The following SMYD1 variants were observed in gnomAD, a reference collection of about 807,000 sequenced individuals.
SMYD1 encodes the protein SET and MYND domain containing 1.
Under a neutral mutation model 54.0 loss-of-function variants are expected in SMYD1, and 49 were observed. The ratio of observed to expected loss-of-function variants is 0.91; its 90% confidence interval spans 0.72 to 1.15. SMYD1 has a LOEUF of 1.15. SMYD1 is among the 50% of genes most tolerant of loss of function. The pLI is 0.00. For synonymous variants in SMYD1, 269 were observed against 234.2 expected, an observed-to-expected ratio of 1.15 and a Z score of -1.36; for missense variants, 653 against 639.6, an observed-to-expected ratio of 1.02 and a Z score of -0.23.
intron 5 of SMYD1, among the ~76,000 whole-genome samples, 177 bp from the exon 6 acceptor site, chr2:88,096,418 A>G (rs1220306392): frequency 2.0e-5 from 3 of 152,192 alleles, no homozygotes; most frequent in Admixed American, 6.5e-5. Context: ...ATAGAGTAGA[A>G]TTACCCAGAA....
At chr2:88,068,549 G>A (rs1438965646) in intron 1 of SMYD1, among the ~76,000 whole-genome samples, 2 of 150,756 alleles carry the variant, frequency 1.3e-5, no homozygotes, top group Admixed American at 1.3e-4. Context: ...CTTCTAGAAT[G>A]TTCCTGTGCT....
chr2:88,081,399 A>T (rs1271772081), intron 1 of SMYD1, among the ~76,000 whole-genome samples: 3 of 151,616 alleles, frequency 2.0e-5, no homozygotes, highest in Admixed American at 6.6e-5. Context: ...AAAGCTTGGG[A>T]GGTTCTACTG....
chr2:88,093,868 C>T (rs981285828), intron 5 of SMYD1, among the ~76,000 whole-genome samples: 6 of 152,144 alleles, frequency 3.9e-5, no homozygotes, highest in South Asian at 4.1e-4. Context: ...TCTTGTCTCC[C>T]TAAACCCTGC....
At chr2:88,074,485 T>A (rs933753863) in intron 1 of SMYD1, among the ~76,000 whole-genome samples, 1 of 152,204 alleles carries the variant, frequency 6.6e-6, no homozygotes, top group Non-Finnish European at 1.5e-5. Context: ...TAATCACTCA[T>A]GCAAAGTTCC....
rs1178484628 is a variant in SMYD1 at position 88,111,762 on chromosome 2, G to A, written c.*1250G>A. ...AATCAACCAGTCCCAAGATTAGCCT[G>A]TTATCCTGTTATCTACTGAGACCCC... On this transcript the variant is annotated 3_prime_UTR_variant, in exon 10 of 10. Transcript: ENST00000419482. The A allele has an allele frequency of 7.0e-6, 2 of 287,566 alleles. No homozygotes were observed. The highest frequency in any genetic ancestry group is 1.3e-5 in the Non-Finnish European group (2 of 150,804). 17.8% of individuals were successfully genotyped at this position (287,566 alleles called of 1,614,324 possible).
intron 3 of SMYD1, 77 bp from the exon 4 acceptor site, chr2:88,090,935 T>G (rs1048851932): frequency 6.6e-7 from 1 of 1,516,806 alleles, no homozygotes; most frequent in Non-Finnish European, 8.9e-7. Flanking sequence ...TTCTGTTTTT[T>G]AAAACTCCTT....
intron 6 of SMYD1, among the ~76,000 whole-genome samples, chr2:88,098,313 A>G (rs1674648198): frequency 6.6e-6 from 1 of 152,208 alleles, no homozygotes; most frequent in Non-Finnish European, 1.5e-5. Flanking sequence ...TGGCAGTTTC[A>G]ATAGTTCAGT....
rs1240052729 is a variant in SMYD1 at position 88,077,809 on chromosome 2, C to T, written c.138-6507C>T. 5.9e-5 allele frequency among the ~76,000 whole-genome samples: 9 copies of T among 151,292 alleles called. No individual in the cohort carries two copies. The South Asian group carries it at 6.3e-4, about 11-fold the overall frequency. On this transcript the variant is annotated intron_variant, in intron 1 of 9. Transcript: ENST00000419482. ...CGTGATCTCGGCTCACTGCAAGCTC[C>T]GCCTCCCAGGTTCAAGCGATTCTCC... is the stretch of plus-strand genomic sequence containing the variant.
chr2:88,073,777 A>C (rs916942825), intron 1 of SMYD1, among the ~76,000 whole-genome samples: 2 of 152,232 alleles, frequency 1.3e-5, no homozygotes, highest in Non-Finnish European at 2.9e-5. Flanking sequence ...ATGTTTGTCA[A>C]CTTAATCTGT....
intron 7 of SMYD1, among the ~76,000 whole-genome samples, chr2:88,103,947 C>T (rs1310361521): frequency 6.6e-6 from 1 of 151,410 alleles, no homozygotes. Flanking sequence ...AGATTAATTT[C>T]TATTCATTTC....
chr2:88,083,937 T>C lies in SMYD1; in HGVS notation c.138-379T>C, dbSNP rs139314015. Among the ~76,000 whole-genome samples the C allele has an allele frequency of 6.0e-3, 917 of 152,142 alleles. 3 individuals carry two copies. Among genetic ancestry groups the C allele is most frequent in the Non-Finnish European group, 9.9e-3 (670 of 68,006 alleles). On this transcript the variant is annotated intron_variant, in intron 1 of 9. Coordinates refer to ENST00000419482, the MANE Select transcript of SMYD1 (RefSeq NM_198274.4). ...GGTGAAACCCTGTCTGTACTAAAAA[T>C]ACAAAAATTAGCTGGGTGTGGTGGC...
rs1042842559 is a variant in SMYD1, at chr2:88,106,480, C to T, written c.1137C>T (p.Asp379=). ...EASFYARRMV[D]GYMKLYHPNN... ...CGTTCTATGCCAGGAGGATGGTGGA[C>T]GGCTATATGTAGGTGACGATTCTAG... The change falls in exon 8 of 10, where the codon GAC becomes GAT. Residue 379 remains aspartate (D), a synonymous_variant. Transcript: ENST00000419482. The T allele has an allele frequency of 1.1e-5, 17 of 1,613,700 alleles. No individual in the cohort carries two copies. Among genetic ancestry groups the T allele is most frequent in the African/African-American group, 5.3e-5 (4 of 74,870 alleles).
At chr2:88,092,975 G>T (rs1337671912) in intron 4 of SMYD1, among the ~76,000 whole-genome samples, 1 of 152,196 alleles carries the variant, frequency 6.6e-6, no homozygotes, top group East Asian at 1.9e-4. Context: ...GCAAGAGAAG[G>T]TGACTTTGCA....
intron 7 of SMYD1, among the ~76,000 whole-genome samples, chr2:88,105,398 C>T (rs1573121971): frequency 1.3e-5 from 2 of 151,806 alleles, no homozygotes; most frequent in Non-Finnish European, 2.9e-5. Context: ...CACACACACA[C>T]ATATCGATAT....
intron 4 of SMYD1, among the ~76,000 whole-genome samples, chr2:88,093,007 A>G (rs765415207): frequency 5.3e-5 from 8 of 152,220 alleles, no homozygotes; most frequent in Non-Finnish European, 1.0e-4. Flanking sequence ...GCCACCTGCC[A>G]TAGTGGAAAG....
intron 6 of SMYD1, among the ~76,000 whole-genome samples, 153 bp downstream of exon 6, chr2:88,096,937 C>T (rs953733781): frequency 5.9e-5 from 9 of 152,134 alleles, no homozygotes; most frequent in African/African-American, 1.7e-4. Context: ...AGCAGAGCAC[C>T]GCAGGTAGGT....
chr2:88,106,180 C>T (rs1674863320), intron 7 of SMYD1, 145 bp from the exon 8 acceptor site: 4 of 1,113,256 alleles, frequency 3.6e-6, no homozygotes, highest in Non-Finnish European at 5.1e-6. Context: ...AATTCATACC[C>T]CAAACCTGTG....
rs1411620960 is a variant in SMYD1, at chr2:88,103,077, A to G, written c.908A>G (p.Lys303Arg). Residue 303 changes from lysine (K) to arginine (R), a missense_variant, in exon 7 of 10, where the codon AAG becomes AGG. Transcript: ENST00000419482. ...DNPKPSQEVVKEMIQFSKDTL... is the reference protein window; with the variant it reads ...DNPKPSQEVVREMIQFSKDTL... The stretch of plus-strand genomic sequence containing the variant: ...TCCCAGCCCTCTCAGGAAGTGGTGA[A>G]GGAGATGATACAATTCTCCAAGGAT... 9 of 1,613,976 alleles carry G rather than the reference A, an allele frequency of 5.6e-6. No individual in the cohort carries two copies. Among genetic ancestry groups the G allele is most frequent in the African/African-American group, 5.3e-5 (4 of 74,922 alleles).
At chr2:88,087,400 C>T (rs979587397) in intron 2 of SMYD1, among the ~76,000 whole-genome samples, 2 of 152,148 alleles carry the variant, frequency 1.3e-5, no homozygotes, top group Non-Finnish European at 2.9e-5. Context: ...TTTATTTGGT[C>T]TCCATTTCTT....
Sources: allele counts gnomAD v4.1 joint callset (sites outside exome capture counted in the v4.1 genomes callset), GRCh38; gene constraint gnomAD v4.1.1; transcripts MANE v1.5; gene names NCBI Gene and HGNC (gene_info 2026-07-23, HGNC 2026-07-21).